CLDN18: variants seen among roughly 807,000 people sequenced by gnomAD.
CLDN18 encodes claudin 18.
In CLDN18, 20 loss-of-function variants were observed where a neutral mutation model predicts 25.0. The ratio of observed to expected loss-of-function variants is 0.80; its 90% CI spans 0.56 to 1.16. The LOEUF (loss-of-function observed/expected upper bound fraction) is 1.16, where lower values mean the gene tolerates loss of function less well. Ranked by LOEUF, CLDN18 falls within the 50% of genes most tolerant of loss-of-function variation. The pLI, the probability that CLDN18 is intolerant of heterozygous loss-of-function variation, is 0.00. For synonymous variants in CLDN18, 125 were observed against 135.6 expected (o/e 0.92, Z 0.54); for missense variants, 297 against 345.4 (o/e 0.86, Z 1.11).
At chr3:138,012,426 A>C (rs558080211) in intron 1 of CLDN18, among the ~76,000 whole-genome samples, 29 of 152,172 alleles carry the variant, frequency 1.9e-4, no homozygotes, top group Non-Finnish European at 4.1e-4. Flanking sequence ...GCCTGACACC[A>C]AGCCTTCCTA....
At chr3:138,006,328 T>A (rs2107875939), upstream of CLDN18, among the ~76,000 whole-genome samples, 1 of 152,344 alleles carries the variant, frequency 6.6e-6, no homozygotes, top group Non-Finnish European at 1.5e-5. Flanking sequence ...CATTTTTGCC[T>A]AATTACCATA....
At chr3:138,025,214 A>G (rs1299178689) in intron 3 of CLDN18, among the ~76,000 whole-genome samples, 1 of 152,194 alleles carries the variant, frequency 6.6e-6, no homozygotes, top group Non-Finnish European at 1.5e-5. Flanking sequence ...TGTATTGATC[A>G]CCTGCTGTAA....
chr3:138,030,020 T>C, intron 4 of CLDN18, 113 bp downstream of exon 4: 1 of 693,716 alleles, frequency 1.4e-6, no homozygotes, highest in Non-Finnish European at 2.6e-6. Context: ...GAACTTTATT[T>C]GACTTAAGGA....
At chr3:138,009,914 AGCTGGAGGGAGGCCG>A, upstream of CLDN18, 1 of 354,826 alleles carries the variant, frequency 2.8e-6, no homozygotes, top group Non-Finnish European at 5.3e-6. Flanking sequence ...GAGGAGCCGG[AGCTGGAGGGAGGCCG>A]GTCTGGCCCG....
chr3:138,027,454 A>G (rs983464527), intron 3 of CLDN18, among the ~76,000 whole-genome samples: 6 of 152,208 alleles, frequency 3.9e-5, no homozygotes, highest in Non-Finnish European at 8.8e-5. Context: ...CATGCTCAGA[A>G]GATGCATTAA....
chr3:138,008,932 T>G (rs750403794), upstream of CLDN18, among the ~76,000 whole-genome samples: 12 of 152,044 alleles, frequency 7.9e-5, no homozygotes, highest in Admixed American at 2.6e-4. Context: ...CTCAAAAAAT[T>G]TTTAAAAAGT....
At chr3:138,002,118 A>G (rs1942025460) in intron 1 of CLDN18, among the ~76,000 whole-genome samples, 1 of 152,194 alleles carries the variant, frequency 6.6e-6, no homozygotes, top group Non-Finnish European at 1.5e-5. Context: ...CTTTAAGGTA[A>G]TCATGCCTCA....
At chr3:138,003,868 C>G (rs1942042075) in intron 1 of CLDN18, among the ~76,000 whole-genome samples, 2 of 152,058 alleles carry the variant, frequency 1.3e-5, no homozygotes, top group Non-Finnish European at 2.9e-5. Context: ...ATATACATAA[C>G]TTATATAATT....
At chr3:138,001,531 C>A (rs1942016134) in intron 1 of CLDN18, among the ~76,000 whole-genome samples, 1 of 152,060 alleles carries the variant, frequency 6.6e-6, no homozygotes, top group African/African-American at 2.4e-5. Flanking sequence ...AACATTCCCC[C>A]ATTCTTATGC....
intron 1 of CLDN18, among the ~76,000 whole-genome samples, chr3:138,004,223 A>AAGT (rs1465081892): frequency 2.6e-5 from 4 of 152,208 alleles, no homozygotes; most frequent in African/African-American, 9.7e-5. Flanking sequence ...CCTATGAAGT[A>AAGT]AGTAGTAGTA....
intron 1 of CLDN18, 57 bp from the exon 2 acceptor site, chr3:138,023,601 T>C: frequency 6.4e-7 from 1 of 1,561,052 alleles, no homozygotes. Context: ...CACAGCCTAA[T>C]CAAGTGTGCT....
chr3:138,006,114 C>T (rs934898618), upstream of CLDN18, among the ~76,000 whole-genome samples: 7 of 152,066 alleles, frequency 4.6e-5, no homozygotes, highest in South Asian at 2.1e-4. Context: ...TTGTCTAGGG[C>T]TTAAAATTGT....
Position 138,033,545 on chromosome 3 carries a change from T to C in CLDN18, c.*2404T>C, listed in dbSNP as rs1253222170. ...GTTTGAAAGCCTCCATATAGTTAGA[T>C]TGTGCTTTGTAATTTTGTTGTTGTT... On this transcript the variant is annotated 3_prime_UTR_variant, in exon 5 of 5. Transcript: ENST00000183605. 3 of 152,242 alleles carry C rather than the reference T, an allele frequency of 2.0e-5. No individual in the cohort carries two copies. Among genetic ancestry groups the C allele is most frequent in the East Asian group, 1.9e-4 (1 of 5,208 alleles). The allele number at this position is 152,242 out of a possible 1,614,324, so 9.4% of individuals were successfully genotyped here.
intron 1 of CLDN18, among the ~76,000 whole-genome samples, chr3:138,015,264 G>A (rs564969537): frequency 6.6e-6 from 1 of 152,216 alleles, no homozygotes; most frequent in Non-Finnish European, 1.5e-5. Flanking sequence ...AACAGCCCGA[G>A]ATGACACCTG....
chr3:138,009,996 C>A (rs1401605987), upstream of CLDN18: 1 of 660,328 alleles, frequency 1.5e-6, no homozygotes, highest in Non-Finnish European at 2.5e-6. Flanking sequence ...ACCCGGCCTG[C>A]GGAGAGCAGA....
chr3:138,002,302 G>A (rs1320484985), intron 1 of CLDN18, among the ~76,000 whole-genome samples: 12 of 151,730 alleles, frequency 7.9e-5, no homozygotes, highest in South Asian at 2.1e-4. Flanking sequence ...AGAATTAGAC[G>A]GAAAAAAAAA....
upstream of CLDN18, among the ~76,000 whole-genome samples, chr3:138,007,913 C>T (rs1319459131): frequency 6.6e-6 from 1 of 152,174 alleles, no homozygotes; most frequent in Middle Eastern, 3.2e-3. Context: ...GGACACACTG[C>T]CATCAACATT....
intron 4 of CLDN18, among the ~76,000 whole-genome samples, chr3:138,030,358 G>A (rs186521498): frequency 2.0e-5 from 3 of 152,348 alleles, no homozygotes; most frequent in East Asian, 3.9e-4. Context: ...GTTCCAAAAC[G>A]TCAACAGTGC....
intron 3 of CLDN18, among the ~76,000 whole-genome samples, chr3:138,028,010 C>T (rs1004731693): frequency 6.6e-6 from 1 of 151,998 alleles, no homozygotes; most frequent in African/African-American, 2.4e-5. Flanking sequence ...GTCAACTATA[C>T]TTGATCATGA....
Sources: allele counts gnomAD v4.1 joint callset (sites outside exome capture counted in the v4.1 genomes callset), GRCh38; gene constraint gnomAD v4.1.1; transcripts MANE v1.5; gene names NCBI Gene and HGNC (gene_info 2026-07-23, HGNC 2026-07-21).